The following TMCC1 variants were observed in gnomAD, a reference collection of about 807,000 sequenced individuals.
The protein encoded by TMCC1 is transmembrane and coiled-coil domain family 1.
Under a neutral mutation model 52.4 loss-of-function variants are expected in TMCC1, and 15 were observed. The observed-to-expected ratio is 0.29, with a 90% CI of 0.19 to 0.44. The LOEUF (loss-of-function observed/expected upper bound fraction) is 0.44. Ranked by LOEUF, TMCC1 falls within the 20% of genes least tolerant of loss-of-function variation. The probability of loss-of-function intolerance (pLI) is 1.00; values close to 1 mark genes in which losing one functional copy is unlikely to be tolerated. For synonymous variants in TMCC1, 279 were observed against 301.9 expected, an observed-to-expected ratio of 0.92 and a Z score of 0.79; for missense variants, 503 against 806.0, an observed-to-expected ratio of 0.62 and a Z score of 4.55.
intron 2 of TMCC1, among the ~76,000 whole-genome samples, chr3:129,867,420 A>G (rs2060705053): frequency 6.6e-6 from 1 of 152,148 alleles, no homozygotes; most frequent in African/African-American, 2.4e-5. Context: ...ATATTTCCAT[A>G]ATACAAACCA....
intron 2 of TMCC1, among the ~76,000 whole-genome samples, chr3:129,879,372 G>A (rs1214199055): frequency 2.0e-5 from 3 of 152,170 alleles, no homozygotes; most frequent in Non-Finnish European, 4.4e-5. Context: ...GCCCAGGAAT[G>A]TGAGATTGCT....
chr3:129,766,288 G>A (rs1460610974), intron 4 of TMCC1, among the ~76,000 whole-genome samples: 1 of 152,196 alleles, frequency 6.6e-6, no homozygotes, highest in Admixed American at 6.5e-5. Flanking sequence ...ACGCCCTGAT[G>A]TGTTGAGATG....
chr3:129,709,009 C>A (rs1479758623), intron 4 of TMCC1, among the ~76,000 whole-genome samples: 1 of 152,178 alleles, frequency 6.6e-6, no homozygotes, highest in Non-Finnish European at 1.5e-5. Flanking sequence ...CTCTTAACCA[C>A]TGGTCTTTAC....
At chr3:129,857,547 A>C (rs922649083) in intron 2 of TMCC1, 1 of 152,102 alleles carries the variant, frequency 6.6e-6, no homozygotes, top group Non-Finnish European at 1.5e-5. Flanking sequence ...GTAATGTCCA[A>C]GTACTTTTTT....
intron 4 of TMCC1, among the ~76,000 whole-genome samples, chr3:129,695,476 G>A (rs865976786): frequency 2.6e-5 from 4 of 152,228 alleles, no homozygotes; most frequent in Middle Eastern, 3.4e-3. Flanking sequence ...ACAGGGCTGG[G>A]GAAGCCTTGG....
At chr3:129,726,896 A>AAAAAAAAAAAAAAAAAAAAC (rs2050147551) in intron 4 of TMCC1, among the ~76,000 whole-genome samples, 2 of 143,566 alleles carry the variant, frequency 1.4e-5, no homozygotes, top group African/African-American at 2.6e-5. Context: ...AAAAAAAAAA[A>AAAAAAAAAAAAAAAAAAAAC]AAGAACCACT....
At chr3:129,703,960 G>C (rs1268013485) in intron 4 of TMCC1, among the ~76,000 whole-genome samples, 1 of 152,204 alleles carries the variant, frequency 6.6e-6, no homozygotes, top group Non-Finnish European at 1.5e-5. Context: ...AGAGACGTGA[G>C]ACCAGAGGGG....
In TMCC1 at chr3:129,703,251, G is replaced by A. The variant is rs183418378; in HGVS notation, c.577-31987C>T. Among the ~76,000 whole-genome samples the A allele has an allele frequency of 2.6e-4, 40 of 152,256 alleles. No homozygotes were observed. In the East Asian group the frequency reaches 7.3e-3, roughly 28 times the overall value. On this transcript the variant is annotated intron_variant, in intron 4 of 6. Coordinates refer to ENST00000393238, the MANE Select transcript of TMCC1 (RefSeq NM_001017395.5). ...AGATGTAACCAAGAAAGAATAGGAAGGTGAAAACAGATATGATAGATATTA... is the reference window on the plus strand; with the variant it reads ...AGATGTAACCAAGAAAGAATAGGAAAGTGAAAACAGATATGATAGATATTA...
intron 2 of TMCC1, among the ~76,000 whole-genome samples, chr3:129,870,568 T>A (rs2060863316): frequency 6.6e-6 from 1 of 151,362 alleles, no homozygotes. Context: ...TGAAACCCCA[T>A]CTCCACTAAA....
At chr3:129,714,971 A>G (rs2048961579) in intron 4 of TMCC1, among the ~76,000 whole-genome samples, 1 of 152,200 alleles carries the variant, frequency 6.6e-6, no homozygotes, top group Non-Finnish European at 1.5e-5. Flanking sequence ...TTATCTGAAA[A>G]ATAATACTGG....
At chr3:129,722,282 AT>A (rs1560268581) in intron 4 of TMCC1, among the ~76,000 whole-genome samples, 1 of 152,112 alleles carries the variant, frequency 6.6e-6, no homozygotes, top group African/African-American at 2.4e-5. Context: ...CACAAACCCT[AT>A]TATGAACTGC....
chr3:129,658,431 T>C (rs1462985745), intron 5 of TMCC1, among the ~76,000 whole-genome samples: 2 of 152,236 alleles, frequency 1.3e-5, no homozygotes, highest in Non-Finnish European at 2.9e-5. Flanking sequence ...TTCCCATTTA[T>C]GATGGGCTTA....
chr3:129,674,666 C>T (rs1275668783), intron 4 of TMCC1, among the ~76,000 whole-genome samples: 2 of 152,086 alleles, frequency 1.3e-5, no homozygotes, highest in African/African-American at 2.4e-5. Flanking sequence ...GGAAAACAGT[C>T]GTGATATACT....
chr3:129,805,993 T>A (rs775368239), intron 4 of TMCC1, among the ~76,000 whole-genome samples: 3 of 152,150 alleles, frequency 2.0e-5, no homozygotes, highest in Non-Finnish European at 4.4e-5. Context: ...GTAGCTACTT[T>A]CTGTCTCAAA....
At chr3:129,820,998 T>C (rs1253897395) in intron 4 of TMCC1, among the ~76,000 whole-genome samples, 1 of 152,222 alleles carries the variant, frequency 6.6e-6, no homozygotes, top group Non-Finnish European at 1.5e-5. Context: ...AAGTTTCTAC[T>C]TCAAGAGTTA....
At chr3:129,837,514 A>T (rs1405850636) in intron 2 of TMCC1, among the ~76,000 whole-genome samples, 1 of 152,158 alleles carries the variant, frequency 6.6e-6, no homozygotes, top group Non-Finnish European at 1.5e-5. Context: ...GATTAACACA[A>T]ATCTCCACCC....
At chr3:129,781,524 A>G (rs934492354) in intron 4 of TMCC1, among the ~76,000 whole-genome samples, 1 of 152,140 alleles carries the variant, frequency 6.6e-6, no homozygotes, top group Non-Finnish European at 1.5e-5. Flanking sequence ...ACACAATTAA[A>G]TACAACTTAG....
chr3:129,869,270 T>G (rs2060804076), intron 2 of TMCC1, among the ~76,000 whole-genome samples: 1 of 152,148 alleles, frequency 6.6e-6, no homozygotes, highest in Non-Finnish European at 1.5e-5. Flanking sequence ...GAGGGTTTTG[T>G]GCCCAGAGAG....
chr3:129,807,160 T>C (rs1560460519), intron 4 of TMCC1, among the ~76,000 whole-genome samples: 1 of 152,170 alleles, frequency 6.6e-6, no homozygotes. Flanking sequence ...CAAACATTTG[T>C]AGTAATTCTT....
Sources: allele counts gnomAD v4.1 joint callset (sites outside exome capture counted in the v4.1 genomes callset), GRCh38; gene constraint gnomAD v4.1.1; transcripts MANE v1.5; gene names NCBI Gene and HGNC (gene_info 2026-07-23, HGNC 2026-07-21).